HS6ST3: variants seen among roughly 807,000 people sequenced by gnomAD.
HS6ST3 encodes the protein heparan sulfate 6-O-sulfotransferase 3, also known as heparan-sulfate 6-O-sulfotransferase 3.
HS6ST3 carries 12 observed loss-of-function variants against 36.7 expected under a neutral mutation model. The observed-to-expected ratio is 0.33, with a 90% CI of 0.21 to 0.53. HS6ST3 has a LOEUF of 0.53. HS6ST3 is among the 20% of genes least tolerant of loss of function. HS6ST3 has a pLI of 0.95. For missense variants in HS6ST3, 584 were observed against 640.9 expected (o/e 0.91, Z 0.96); for synonymous variants, 240 against 257.5 (o/e 0.93, Z 0.65).
intron 1 of HS6ST3, among the ~76,000 whole-genome samples, chr13:96,526,713 A>G (rs1262686117): frequency 1.3e-5 from 2 of 152,184 alleles, no homozygotes; most frequent in African/African-American, 4.8e-5. Flanking sequence ...ATTACTAGCT[A>G]ATGTTCATAA....
At chr13:96,199,438 G>A (rs2054330661) in intron 1 of HS6ST3, among the ~76,000 whole-genome samples, 1 of 152,104 alleles carries the variant, frequency 6.6e-6, no homozygotes, top group South Asian at 2.1e-4. Flanking sequence ...TTATCCCTAG[G>A]ACTTCAATTA....
intron 1 of HS6ST3, among the ~76,000 whole-genome samples, chr13:96,305,847 AT>A (rs574864875): frequency 3.5e-3 from 435 of 122,820 alleles, no homozygotes; most frequent in African/African-American, 5.2e-3. Flanking sequence ...CCCTTAGTTA[AT>A]TTTTTTTTTT....
chr13:96,832,426 A>G, intron 1 of HS6ST3, 64 bp from the exon 2 acceptor site: 3 of 1,245,050 alleles, frequency 2.4e-6, no homozygotes, highest in Non-Finnish European at 2.2e-6. Flanking sequence ...GTAAAATTAT[A>G]AAAATTTAGA....
chr13:96,378,606 G>A (rs1051663389), intron 1 of HS6ST3, among the ~76,000 whole-genome samples: 2 of 152,110 alleles, frequency 1.3e-5, no homozygotes, highest in South Asian at 4.2e-4. Context: ...ACGACTGAGT[G>A]GGCCAAACAC....
At chr13:96,604,509 A>G (rs748520178) in intron 1 of HS6ST3, among the ~76,000 whole-genome samples, 4 of 152,144 alleles carry the variant, frequency 2.6e-5, no homozygotes, top group Non-Finnish European at 4.4e-5. Flanking sequence ...TTATTTTGAA[A>G]TAACCAGAAA....
chr13:96,618,242 G>A (rs2056481590), intron 1 of HS6ST3, among the ~76,000 whole-genome samples: 2 of 152,220 alleles, frequency 1.3e-5, no homozygotes, highest in South Asian at 4.2e-4. Context: ...GGAACTACAG[G>A]TGTGCACCAC....
At chr13:96,769,761 TGTGTGTGTGTGTGC>T (rs1248838030) in intron 1 of HS6ST3, among the ~76,000 whole-genome samples, 12 of 150,370 alleles carry the variant, frequency 8.0e-5, no homozygotes, top group African/African-American at 2.0e-4. Flanking sequence ...TGTGTGTGTG[TGTGTGTGTGTGTGC>T]GCACATATGT....
rs145092773 is a variant in HS6ST3, at chr13:96,837,821, A to T, written c.*4623A>T. On this transcript the variant is annotated 3_prime_UTR_variant, in exon 2 of 2. Coordinates refer to ENST00000376705, the MANE Select transcript of HS6ST3 (RefSeq NM_153456.4). ...CACAACTCCCTATTAAGGGAAATCA[A>T]TATAAACCCGCCCCCACCAACCAAA... is the stretch of plus-strand genomic sequence containing the variant. 1.3e-5 allele frequency: 2 copies of T among 151,678 alleles called. No individual in the cohort carries two copies. The highest frequency in any genetic ancestry group is 2.9e-5 in the Non-Finnish European group (2 of 67,990). 9.4% of individuals were successfully genotyped at this position (151,678 alleles called of 1,614,324 possible).
intron 1 of HS6ST3, among the ~76,000 whole-genome samples, chr13:96,815,713 G>A (rs762037694): frequency 3.4e-5 from 5 of 146,596 alleles, no homozygotes; most frequent in Non-Finnish European, 7.4e-5. Context: ...TGGTACAGGA[G>A]GGGTCCACTT....
intron 1 of HS6ST3, among the ~76,000 whole-genome samples, chr13:96,482,676 T>C (rs2055895425): frequency 1.3e-5 from 2 of 152,186 alleles, no homozygotes; most frequent in Admixed American, 6.5e-5. Context: ...TTGTCCTTCG[T>C]CACCTCAAGT....
At chr13:96,814,923 T>G (rs1415338838) in intron 1 of HS6ST3, among the ~76,000 whole-genome samples, 2 of 152,364 alleles carry the variant, frequency 1.3e-5, no homozygotes, top group East Asian at 3.9e-4. Flanking sequence ...TTCTCAAATA[T>G]TTAGTATTCT....
intron 1 of HS6ST3, among the ~76,000 whole-genome samples, chr13:96,170,534 A>G (rs1044220294): frequency 1.3e-5 from 2 of 152,334 alleles, no homozygotes; most frequent in East Asian, 3.9e-4. Flanking sequence ...GCAATTTTCT[A>G]AAGTCTGCAG....
At position 96,772,648 on chromosome 13, in the gene HS6ST3, A is replaced by C. The variant is rs1877290914; in HGVS notation, c.708-59842A>C. On this transcript the variant is annotated intron_variant, in intron 1 of 1. Transcript: ENST00000376705. Reference sequence around the variant, plus strand: ...AGAAGCATTCTTTGAACAATGACTAAGGGATGTTAAGAAATCCACCGAAGT... The same window carrying C: ...AGAAGCATTCTTTGAACAATGACTACGGGATGTTAAGAAATCCACCGAAGT... 3.3e-5 allele frequency among the ~76,000 whole-genome samples: 5 copies of C among 152,336 alleles called. No homozygotes were observed. The South Asian group carries it at 1.0e-3, about 32-fold the overall frequency.
chr13:96,535,401 A>G (rs1399778026), intron 1 of HS6ST3, among the ~76,000 whole-genome samples: 3 of 151,778 alleles, frequency 2.0e-5, no homozygotes, highest in African/African-American at 7.3e-5. Flanking sequence ...CTAAAAAAAT[A>G]CTAAAAATTA....
At chr13:96,702,683 T>C (rs1475981863) in intron 1 of HS6ST3, among the ~76,000 whole-genome samples, 1 of 152,174 alleles carries the variant, frequency 6.6e-6, no homozygotes, top group African/African-American at 2.4e-5. Flanking sequence ...TTGGAGGGTA[T>C]ACTCTTTTAA....
At position 96,090,915 on chromosome 13, in the gene HS6ST3, T is replaced by C; in HGVS notation, c.53T>C (p.Phe18Ser). Residue 18 changes from phenylalanine (F) to serine (S), a missense_variant, in exon 1 of 2, where the codon TTC (phenylalanine) becomes TCC (serine). This residue lies in a region of HS6ST3 where 217 missense variants were observed against 205.4 expected (regional missense o/e 1.06). Coordinates refer to ENST00000376705, the MANE Select transcript of HS6ST3 (RefSeq NM_153456.4). The stretch of plus-strand genomic sequence containing the variant: ...CTGACGCCGGTGCTCACTCTCCTCT[T>C]CGTGGTCATCATGTACCAGTACGTG... ...WLLTPVLTLLFVVIMYQYVSP... is the reference protein window; with the variant it reads ...WLLTPVLTLLSVVIMYQYVSP... 1.3e-6 allele frequency: 2 copies of C among 1,513,714 alleles called. No individual in the cohort carries two copies. The highest frequency in any genetic ancestry group is 1.8e-6 in the Non-Finnish European group (2 of 1,126,264). The allele number at this position is 1,513,714 out of a possible 1,614,324, so 93.8% of individuals were successfully genotyped here. A position where few individuals can be genotyped will look rare whatever the true frequency, so the allele number is the denominator to read the frequency against.
intron 1 of HS6ST3, among the ~76,000 whole-genome samples, chr13:96,519,050 AT>A (rs1566384758): frequency 6.6e-6 from 1 of 152,176 alleles, no homozygotes; most frequent in Non-Finnish European, 1.5e-5. Context: ...TATTTTACCA[AT>A]TTTTATTGGT....
chr13:96,351,390 T>C (rs1315034712), intron 1 of HS6ST3, among the ~76,000 whole-genome samples: 1 of 150,380 alleles, frequency 6.6e-6, no homozygotes, highest in Non-Finnish European at 1.5e-5. Context: ...GGCATGATCA[T>C]GGCTTACTGC....
intron 1 of HS6ST3, among the ~76,000 whole-genome samples, chr13:96,822,118 A>G (rs1221544166): frequency 6.6e-6 from 1 of 152,134 alleles, no homozygotes; most frequent in Admixed American, 6.5e-5. Flanking sequence ...CTGATAACAC[A>G]ATCTGAGTGT....
Sources: allele counts gnomAD v4.1 joint callset (sites outside exome capture counted in the v4.1 genomes callset), GRCh38; gene constraint gnomAD v4.1.1; regional missense constraint gnomAD v4.1.1; transcripts MANE v1.5; gene names NCBI Gene and HGNC (gene_info 2026-07-23, HGNC 2026-07-21).